The following GRIP1 variants were observed in gnomAD, a reference collection of about 807,000 sequenced individuals.
GRIP1 encodes glutamate receptor interacting protein 1.
GRIP1 carries 45 observed loss-of-function variants against 129.9 expected under a neutral mutation model. That is an observed-to-expected ratio of 0.35 (90% confidence interval 0.27 to 0.44). The LOEUF (loss-of-function observed/expected upper bound fraction) is 0.44. GRIP1 is among the 20% of genes least tolerant of loss of function. GRIP1 has a pLI of 1.00. For missense variants in GRIP1, 1,196 were observed against 1,396.8 expected, an observed-to-expected ratio of 0.86 and a Z score of 2.29; for synonymous variants, 530 against 520.8, an observed-to-expected ratio of 1.02 and a Z score of -0.24.
chr12:67,069,016 T>C, intron 1 of GRIP1: 14 of 340,872 alleles, frequency 4.1e-5, no homozygotes, highest in South Asian at 1.2e-4. Flanking sequence ...CCCGGACCCC[T>C]GCCCTCCCTC....
At chr12:66,973,768 G>A (rs1057346266) in intron 1 of GRIP1, among the ~76,000 whole-genome samples, 2 of 152,040 alleles carry the variant, frequency 1.3e-5, no homozygotes, top group Admixed American at 1.3e-4. Flanking sequence ...AGGTACAAGT[G>A]CATCAGCTAT....
chr12:67,054,346 G>A (rs889061744), intron 1 of GRIP1, among the ~76,000 whole-genome samples: 6 of 152,080 alleles, frequency 3.9e-5, no homozygotes, highest in African/African-American at 1.2e-4. Flanking sequence ...CAACAGTAAC[G>A]AAACAGATAA....
At chr12:66,352,671 T>G (rs143700193) in intron 24 of GRIP1, among the ~76,000 whole-genome samples, 4,471 of 139,634 alleles carry the variant, frequency 0.032, 88 homozygotes, top group Middle Eastern at 0.046. Context: ...AGGCAGAGGT[T>G]GCAGTGAGTT....
intron 1 of GRIP1, among the ~76,000 whole-genome samples, chr12:66,606,386 C>T (rs950550347): frequency 9.2e-5 from 14 of 151,992 alleles, no homozygotes; most frequent in African/African-American, 3.4e-4. Context: ...AACAGCAATC[C>T]CACTGGTTTC....
intron 1 of GRIP1, among the ~76,000 whole-genome samples, chr12:66,684,439 A>C (rs2034703661): frequency 6.6e-6 from 1 of 152,134 alleles, no homozygotes; most frequent in African/African-American, 2.4e-5. Flanking sequence ...CTGTCACAGC[A>C]TGTTGGTCAC....
At chr12:67,017,869 CATAGG>C (rs367761761) in intron 1 of GRIP1, among the ~76,000 whole-genome samples, 5 of 152,328 alleles carry the variant, frequency 3.3e-5, no homozygotes, top group African/African-American at 1.2e-4. Flanking sequence ...GCAGATACCA[CATAGG>C]ATCACAGAAC....
intron 7 of GRIP1, among the ~76,000 whole-genome samples, chr12:66,505,221 G>A (rs748259134): frequency 1.3e-5 from 2 of 152,148 alleles, no homozygotes; most frequent in Non-Finnish European, 2.9e-5. Flanking sequence ...GAAGGCAGAG[G>A]AGAAAGTCAG....
chr12:66,811,506 G>A (rs1376527622), intron 1 of GRIP1, among the ~76,000 whole-genome samples: 1 of 151,620 alleles, frequency 6.6e-6, no homozygotes, highest in South Asian at 2.1e-4. Flanking sequence ...AGACTTCACG[G>A]AATCTATTTA....
chr12:66,522,451 C>G (rs929666528), intron 5 of GRIP1, among the ~76,000 whole-genome samples: 7 of 152,202 alleles, frequency 4.6e-5, no homozygotes, highest in African/African-American at 1.7e-4. Flanking sequence ...CTAGCAAACT[C>G]CAACAGACCT....
chr12:66,990,610 G>A (rs1487691055), intron 1 of GRIP1, among the ~76,000 whole-genome samples: 3 of 152,172 alleles, frequency 2.0e-5, no homozygotes, highest in South Asian at 2.1e-4. Context: ...TTTATTCCCC[G>A]TTTTACATAC....
chr12:66,866,613 A>G (rs2040209423), intron 1 of GRIP1, among the ~76,000 whole-genome samples: 1 of 152,160 alleles, frequency 6.6e-6, no homozygotes, highest in African/African-American at 2.4e-5. Context: ...AGTAACTTAG[A>G]GTGTAATTGG....
intron 1 of GRIP1, among the ~76,000 whole-genome samples, chr12:66,933,829 A>G (rs897702917): frequency 6.6e-6 from 1 of 152,204 alleles, no homozygotes; most frequent in Admixed American, 6.5e-5. Context: ...ATTCTGCATA[A>G]TATTAAGCTA....
chr12:66,352,984 G>A (rs2054308482), intron 24 of GRIP1, among the ~76,000 whole-genome samples: 1 of 152,102 alleles, frequency 6.6e-6, no homozygotes, highest in African/African-American at 2.4e-5. Flanking sequence ...AATGAATGAA[G>A]AGGCAAGACA....
chr12:66,969,573 C>T (rs1432918505), intron 1 of GRIP1, among the ~76,000 whole-genome samples: 8 of 151,952 alleles, frequency 5.3e-5, no homozygotes, highest in South Asian at 2.1e-4. Context: ...TATGCCACCA[C>T]GCCTGGCTAA....
intron 23 of GRIP1, among the ~76,000 whole-genome samples, chr12:66,362,595 G>A (rs1274837643): frequency 6.6e-6 from 1 of 151,860 alleles, no homozygotes; most frequent in Non-Finnish European, 1.5e-5. Context: ...ATTTGTAAGT[G>A]AACATTCTAC....
intron 2 of GRIP1, among the ~76,000 whole-genome samples, chr12:66,571,680 T>G (rs2062964769): frequency 6.6e-6 from 1 of 152,212 alleles, no homozygotes; most frequent in Non-Finnish European, 1.5e-5. Flanking sequence ...TTCCCTTTCC[T>G]AGGTGAAAAA....
intron 1 of GRIP1, among the ~76,000 whole-genome samples, chr12:67,003,737 TA>T (rs71436030): frequency 3.3e-5 from 5 of 151,758 alleles, no homozygotes; most frequent in African/African-American, 1.2e-4. Flanking sequence ...AAAAAATAAA[TA>T]AAAAAATTCC....
chr12:66,523,748 G>A (rs2061113222), intron 5 of GRIP1, among the ~76,000 whole-genome samples: 1 of 152,096 alleles, frequency 6.6e-6, no homozygotes, highest in Non-Finnish European at 1.5e-5. Context: ...TGGATAAAGA[G>A]TCAAGACCCA....
intron 9 of GRIP1, among the ~76,000 whole-genome samples, chr12:66,462,290 C>A (rs1391230185): frequency 6.6e-6 from 1 of 152,146 alleles, no homozygotes; most frequent in East Asian, 1.9e-4. Flanking sequence ...CTGATTCCTG[C>A]CAAATATTTG....
Sources: gnomAD v4.1 joint callset for allele counts (sites outside exome capture counted in the v4.1 genomes callset) on GRCh38, gnomAD v4.1.1 for gene constraint, MANE v1.5 for transcripts, NCBI Gene and HGNC (gene_info 2026-07-23, HGNC 2026-07-21) for gene names.